PIGN: variants seen among roughly 807,000 people sequenced by gnomAD.
PIGN encodes phosphatidylinositol glycan anchor biosynthesis class N.
A neutral mutation model predicts 125.4 loss-of-function variants in PIGN; 117 were observed. The ratio of observed to expected loss-of-function variants is 0.93; its 90% confidence interval spans 0.80 to 1.09. The LOEUF (loss-of-function observed/expected upper bound fraction) is 1.09. PIGN is among the 50% of genes least tolerant of loss of function. The pLI is 0.00. For synonymous variants in PIGN, 392 were observed against 377.8 expected (o/e 1.04, Z -0.44); for missense variants, 1,075 against 1,094.9 (o/e 0.98, Z 0.26).
intron 30 of PIGN, among the ~76,000 whole-genome samples, chr18:62,051,276 G>A (rs1388220763): frequency 1.3e-5 from 2 of 152,196 alleles, no homozygotes; most frequent in Non-Finnish European, 2.9e-5. Flanking sequence ...AGAAGGAATG[G>A]TACCAGTTCT....
intron 14 of PIGN, among the ~76,000 whole-genome samples, chr18:62,130,930 C>CA (rs2035711169): frequency 1.3e-5 from 2 of 152,080 alleles, no homozygotes; most frequent in African/African-American, 4.8e-5. Context: ...GATATAGAAT[C>CA]GTATCACCCT....
intron 23 of PIGN, among the ~76,000 whole-genome samples, chr18:62,095,570 G>A (rs1156374336): frequency 6.6e-6 from 1 of 152,046 alleles, no homozygotes; most frequent in Non-Finnish European, 1.5e-5. Context: ...TCCACAATCA[G>A]AATTTTTTAA....
chr18:62,116,994 A>G (rs767531681), intron 14 of PIGN, among the ~76,000 whole-genome samples: 5 of 152,094 alleles, frequency 3.3e-5, no homozygotes, highest in Non-Finnish European at 5.9e-5. Flanking sequence ...GTTATGTTAT[A>G]TTATATTGGA....
At chr18:62,100,304 A>T (rs896381101) in intron 22 of PIGN, among the ~76,000 whole-genome samples, 1 of 152,228 alleles carries the variant, frequency 6.6e-6, no homozygotes, top group Non-Finnish European at 1.5e-5. Context: ...ATTATCAAAA[A>T]GATAAAAAAT....
intron 14 of PIGN, among the ~76,000 whole-genome samples, chr18:62,119,462 T>C (rs1243367117): frequency 6.6e-6 from 1 of 152,176 alleles, no homozygotes; most frequent in Non-Finnish European, 1.5e-5. Context: ...TTAAAAACAT[T>C]TAACAAGTGA....
intron 30 of PIGN, among the ~76,000 whole-genome samples, chr18:62,072,011 A>G (rs1046731532): frequency 1.4e-5 from 2 of 148,134 alleles, no homozygotes; most frequent in Non-Finnish European, 3.0e-5. Flanking sequence ...GCCTGTGAAC[A>G]CCTTCCAGTG....
At chr18:62,164,428 C>T (rs890581252) in intron 1 of PIGN, among the ~76,000 whole-genome samples, 3 of 152,118 alleles carry the variant, frequency 2.0e-5, no homozygotes, top group African/African-American at 7.2e-5. Flanking sequence ...GACTGCGAGG[C>T]CTCAGAAAAC....
At chr18:62,114,460 C>G in intron 15 of PIGN, 101 bp downstream of exon 15, 1 of 711,460 alleles carries the variant, frequency 1.4e-6, no homozygotes, top group African/African-American at 1.8e-5. Context: ...TCCTTGAGGG[C>G]TCAAGAAAGC....
chr18:62,098,481 T>C (rs1393797512), intron 22 of PIGN, among the ~76,000 whole-genome samples: 1 of 152,222 alleles, frequency 6.6e-6, no homozygotes, highest in Non-Finnish European at 1.5e-5. Flanking sequence ...AGACCTCTTC[T>C]GTAAAACTGT....
At chr18:62,023,108 T>G (rs1227893927) in intron 23 of PIGN, among the ~76,000 whole-genome samples, 1 of 152,180 alleles carries the variant, frequency 6.6e-6, no homozygotes. Flanking sequence ...TCCACAGATG[T>G]GGAACCTACG....
intron 30 of PIGN, among the ~76,000 whole-genome samples, chr18:62,056,172 G>A (rs2031714952): frequency 1.3e-5 from 2 of 150,502 alleles, no homozygotes; most frequent in African/African-American, 2.4e-5. Context: ...AAACCAAAAT[G>A]CCAAAGGAAA....
Position 62,055,690 on chromosome 18 carries a change from C to T in PIGN, c.2673-9711G>A, listed in dbSNP as rs1392672635. On this transcript the variant is annotated intron_variant, in intron 30 of 30. Coordinates refer to ENST00000640252, the MANE Select transcript of PIGN (RefSeq NM_176787.5). Reference sequence around the variant, plus strand: ...GGAGATCTCTCTGTATTATTTCTTACAACCTCATGTGAATCTATAATAATG... The same window carrying T: ...GGAGATCTCTCTGTATTATTTCTTATAACCTCATGTGAATCTATAATAATG... Among the ~76,000 whole-genome samples the T allele has an allele frequency of 2.0e-5, 3 of 152,068 alleles. No individual in the cohort carries two copies. The East Asian group carries it at 5.8e-4, about 29-fold the overall frequency.
chr18:62,070,249 T>C (rs2032766604), intron 30 of PIGN: 3 of 394,788 alleles, frequency 7.6e-6, no homozygotes, highest in Non-Finnish European at 1.3e-5. Flanking sequence ...TTAAAGCCCA[T>C]GCTCTGGCCA....
intron 7 of PIGN, 47 bp downstream of exon 7, chr18:62,154,498 C>T (rs1330433654): frequency 4.6e-6 from 4 of 872,926 alleles, no homozygotes; most frequent in Non-Finnish European, 7.7e-6. Flanking sequence ...TCCAATACTT[C>T]AGGTAAAAAT....
Position 62,053,016 on chromosome 18 carries a change from T to C in PIGN, c.2673-7037A>G, listed in dbSNP as rs150572076. The C allele has an allele frequency of 5.7e-4, 207 of 363,236 alleles. 2 individuals are homozygous for C. Among genetic ancestry groups the C allele is most frequent in the African/African-American group, 4.0e-3 (190 of 47,800 alleles). The allele number at this position is 363,236 out of a possible 1,614,324, so 22.5% of individuals were successfully genotyped here. A position where few individuals can be genotyped will look rare whatever the true frequency, so the allele number is the denominator to read the frequency against. ...GCTAAAATTATGAAGGAAAAAGAAC[T>C]CAGTAAGTAAAAATCTGGGTAAAGA... On this transcript the variant is annotated intron_variant, in intron 30 of 30. Transcript: ENST00000640252.
intron 1 of PIGN, among the ~76,000 whole-genome samples, chr18:62,164,383 T>C (rs1475228263): frequency 6.6e-6 from 1 of 152,170 alleles, no homozygotes; most frequent in Non-Finnish European, 1.5e-5. Flanking sequence ...TGAAGAAAAG[T>C]GGTTTCACAG....
Position 62,024,785 on chromosome 18 carries a change from C to G in PIGN, c.2143-7044G>C, listed in dbSNP as rs1017769648. On this transcript the variant is annotated intron_variant, in intron 23 of 24. Coordinates refer to the PIGN transcript ENST00000639600. ...GGAGGATCACTTGAACCCAGGAGTT[C>G]AAGACCAACCTGGGCAACATAGCAA... 2.6e-5 allele frequency among the ~76,000 whole-genome samples: 4 copies of G among 152,138 alleles called. 1 individual carries two copies. Among genetic ancestry groups the G allele is most frequent in the African/African-American group, 7.2e-5 (3 of 41,418 alleles).
chr18:62,053,745 A>G (rs1202375925), intron 30 of PIGN, among the ~76,000 whole-genome samples: 1 of 152,214 alleles, frequency 6.6e-6, no homozygotes, highest in Non-Finnish European at 1.5e-5. Context: ...ACACTATCAA[A>G]CAACAAGATT....
chr18:62,104,083 A>T, intron 20 of PIGN, among the ~76,000 whole-genome samples: 1 of 152,180 alleles, frequency 6.6e-6, no homozygotes, highest in East Asian at 1.9e-4. Context: ...GTGACAGATG[A>T]AAAGGAGAGT....
Sources: gnomAD v4.1 joint callset for allele counts (sites outside exome capture counted in the v4.1 genomes callset) on GRCh38, gnomAD v4.1.1 for gene constraint, MANE v1.5 for transcripts, NCBI Gene and HGNC (gene_info 2026-07-23, HGNC 2026-07-21) for gene names.